The following FRMPD4 variants were observed in gnomAD, a reference collection of about 807,000 sequenced individuals.
FRMPD4 encodes FERM and PDZ domain containing 4.
In FRMPD4, 22 loss-of-function variants were observed where a neutral mutation model predicts 94.1. That is an observed-to-expected ratio of 0.23 (90% confidence interval 0.17 to 0.33). The LOEUF is 0.33. Ranked by LOEUF, FRMPD4 falls within the 10% of genes least tolerant of loss-of-function variation. The probability of loss-of-function intolerance (pLI) is 1.00; values close to 1 mark genes in which losing one functional copy is unlikely to be tolerated. For missense variants in FRMPD4, 1,111 were observed against 1,339.9 expected, an observed-to-expected ratio of 0.83 and a Z score of 2.67; for synonymous variants, 631 against 548.6, an observed-to-expected ratio of 1.15 and a Z score of -2.10.
intron 2 of FRMPD4, among the ~76,000 whole-genome samples, chrX:12,526,973 G>GT (rs200948678): frequency 3.6e-5 from 4 of 110,654 alleles, no homozygotes; most frequent in East Asian, 2.8e-4. Flanking sequence ...AGAATTACAA[G>GT]TTTAAAAAAA....
At chrX:12,713,083 T>G (rs4830473) in intron 14 of FRMPD4, among the ~76,000 whole-genome samples, 45,272 of 103,881 alleles carry the variant, frequency 0.44, 7,673 homozygotes, top group East Asian at 0.8. Context: ...ATCCTGTGTC[T>G]AAAAGAAAAA....
At chrX:12,409,255 T>C (rs7065717) in intron 1 of FRMPD4, among the ~76,000 whole-genome samples, 5,536 of 111,469 alleles carry the variant, frequency 0.05, 340 homozygotes, top group African/African-American at 0.17. Context: ...GTGGAGACCT[T>C]GTTGGGGGCA....
At chrX:12,207,175 C>G (rs1027606239) in intron 1 of FRMPD4, among the ~76,000 whole-genome samples, 2 of 111,649 alleles carry the variant, frequency 1.8e-5, no homozygotes, top group African/African-American at 6.5e-5. Context: ...TGTAGGATTG[C>G]CAAAACCTAT....
chrX:12,071,595 T>A (rs1371530475), intron 3 of FRMPD4, among the ~76,000 whole-genome samples: 1 of 111,777 alleles, frequency 8.9e-6, no homozygotes, highest in East Asian at 2.8e-4. Context: ...CAAGTTGTAA[T>A]GCTGATAATG....
At chrX:12,333,705 A>G (rs1362313490) in intron 1 of FRMPD4, among the ~76,000 whole-genome samples, 1 of 111,920 alleles carries the variant, frequency 8.9e-6, no homozygotes. Flanking sequence ...TTCCCTTGCT[A>G]TTGTTTAACA....
chrX:12,458,285 T>C (rs376872598), intron 1 of FRMPD4, among the ~76,000 whole-genome samples: 5 of 111,882 alleles, frequency 4.5e-5, no homozygotes, highest in East Asian at 5.6e-4. Flanking sequence ...CTGCAGACTA[T>C]TGCTGTAATA....
At chrX:11,912,973 A>G (rs1237487613) in intron 3 of FRMPD4, among the ~76,000 whole-genome samples, 1 of 111,447 alleles carries the variant, frequency 9.0e-6, no homozygotes, top group Non-Finnish European at 1.9e-5. Flanking sequence ...AGATAAAGAA[A>G]CCAAGGCTAA....
At chrX:12,098,413 A>T (rs2147506197) in intron 3 of FRMPD4, among the ~76,000 whole-genome samples, 1 of 112,672 alleles carries the variant, frequency 8.9e-6, no homozygotes, top group East Asian at 2.8e-4. Context: ...ATTTGCAATG[A>T]GTTCAAAGCT....
At chrX:12,549,649 A>G (rs2058513207) in intron 2 of FRMPD4, among the ~76,000 whole-genome samples, 1 of 112,211 alleles carries the variant, frequency 8.9e-6, no homozygotes, top group Admixed American at 9.5e-5. Context: ...CAGAGCTACA[A>G]AAAGATTTAA....
chrX:12,721,824 T>C lies in FRMPD4; in HGVS notation c.5255T>C (p.Leu1752Pro). 1 of 754,021 alleles carries C rather than the reference T, an allele frequency of 1.3e-6. No homozygotes were observed. Among genetic ancestry groups the C allele is most frequent in the South Asian group, 6.7e-5 (1 of 14,830 alleles). The allele number at this position is 754,021 out of a possible 1,213,427, so 62.1% of individuals were successfully genotyped here. Residue 1752 changes from leucine (L) to proline (P), a missense_variant, in exon 17 of 17, where the codon CTG becomes CCG. Leu to Pro is a moderately conservative substitution (Grantham distance 98). Coordinates refer to ENST00000675598, the MANE Select transcript of FRMPD4 (RefSeq NM_001368397.1). ...ACCATGGCCGCTCTCGTAAGCACAC[T>C]GACACGTTCTCTCAAGAGGCTTTTA... is the stretch of plus-strand genomic sequence containing the variant. ...STTMAALVSTLTRSLKRLLNK is the reference protein window; with the variant it reads ...STTMAALVSTPTRSLKRLLNK
At chrX:12,192,215 A>G (rs1196246389) in intron 1 of FRMPD4, among the ~76,000 whole-genome samples, 1 of 111,662 alleles carries the variant, frequency 9.0e-6, no homozygotes, top group Non-Finnish European at 1.9e-5. Context: ...TTCCAAATAT[A>G]ACCAACATTT....
chrX:12,308,861 A>G (rs948197598), intron 1 of FRMPD4, among the ~76,000 whole-genome samples: 7 of 112,917 alleles, frequency 6.2e-5, no homozygotes, highest in Non-Finnish European at 9.4e-5. Flanking sequence ...TCTTGACCAA[A>G]TAACTGCCCA....
intron 1 of FRMPD4, among the ~76,000 whole-genome samples, chrX:12,423,591 A>G (rs940966377): frequency 3.6e-5 from 4 of 112,076 alleles, no homozygotes; most frequent in Admixed American, 9.4e-5. Context: ...TGCAAGGGAA[A>G]AATAACCTCA....
intron 2 of FRMPD4, among the ~76,000 whole-genome samples, chrX:12,554,634 T>C (rs1485568488): frequency 9.0e-6 from 1 of 111,660 alleles, no homozygotes. Context: ...TTTTTTGAGA[T>C]AGGGTTTCAC....
intron 4 of FRMPD4, among the ~76,000 whole-genome samples, chrX:12,634,362 C>G (rs759243593): frequency 8.9e-6 from 1 of 112,146 alleles, no homozygotes; most frequent in East Asian, 2.8e-4. Context: ...GAATTGATCA[C>G]ATGCTCTGAA....
chrX:12,558,549 A>G (rs2058619693), intron 2 of FRMPD4, among the ~76,000 whole-genome samples: 1 of 112,736 alleles, frequency 8.9e-6, no homozygotes, highest in Admixed American at 9.4e-5. Flanking sequence ...ACTTTAAAAC[A>G]TAAACTATAT....
At chrX:12,559,209 G>A (rs1224740491) in intron 2 of FRMPD4, among the ~76,000 whole-genome samples, 2 of 112,389 alleles carry the variant, frequency 1.8e-5, no homozygotes, top group Non-Finnish European at 3.8e-5. Context: ...AAAAGCACAA[G>A]AGAAATATTG....
At chrX:12,147,378 T>C (rs2055783296) in intron 1 of FRMPD4, among the ~76,000 whole-genome samples, 1 of 111,943 alleles carries the variant, frequency 8.9e-6, no homozygotes, top group Admixed American at 9.5e-5. Context: ...AAAAAGAATG[T>C]AAAAAAGCAA....
At chrX:12,453,007 A>AGT (rs1224880057) in intron 1 of FRMPD4, among the ~76,000 whole-genome samples, 2 of 112,241 alleles carry the variant, frequency 1.8e-5, no homozygotes, top group East Asian at 5.6e-4. Flanking sequence ...ATGTCCAAAA[A>AGT]GTGTAATTAT....
Sources: gnomAD v4.1 joint callset for allele counts (sites outside exome capture counted in the v4.1 genomes callset) on GRCh38, gnomAD v4.1.1 for gene constraint, MANE v1.5 for transcripts, NCBI Gene and HGNC (gene_info 2026-07-23, HGNC 2026-07-21) for gene names.